The following SLC5A8 variants were observed in gnomAD, a reference collection of about 807,000 sequenced individuals.
SLC5A8 encodes sodium-coupled monocarboxylate transporter 1.
Under a neutral mutation model 71.9 loss-of-function variants are expected in SLC5A8, and 55 were observed. The observed-to-expected ratio is 0.77, with a 90% confidence interval of 0.62 to 0.96. The LOEUF is 0.96. Ranked by LOEUF, SLC5A8 falls within the 40% of genes least tolerant of loss-of-function variation. SLC5A8 has a pLI of 0.00. For synonymous variants in SLC5A8, 307 were observed against 276.1 expected, an observed-to-expected ratio of 1.11 and a Z score of -1.11; for missense variants, 701 against 745.3, an observed-to-expected ratio of 0.94 and a Z score of 0.69.
At chr12:101,178,351 T>A (rs2051900372) in intron 10 of SLC5A8, among the ~76,000 whole-genome samples, 1 of 152,082 alleles carries the variant, frequency 6.6e-6, no homozygotes, top group African/African-American at 2.4e-5. Context: ...TAAAACAATT[T>A]CGAAAAATAA....
At chr12:101,177,475 A>G (rs1334740174) in intron 10 of SLC5A8, among the ~76,000 whole-genome samples, 1 of 151,248 alleles carries the variant, frequency 6.6e-6, no homozygotes, top group African/African-American at 2.4e-5. Context: ...ACACACACAC[A>G]CACGCATGCA....
chr12:101,167,610 A>C (rs1463738962), intron 11 of SLC5A8, among the ~76,000 whole-genome samples: 1 of 152,192 alleles, frequency 6.6e-6, no homozygotes, highest in Non-Finnish European at 1.5e-5. Context: ...CCCAATTATG[A>C]TCACCCCTTT....
intron 12 of SLC5A8, among the ~76,000 whole-genome samples, chr12:101,165,454 G>T (rs574437064): frequency 6.6e-6 from 1 of 151,974 alleles, no homozygotes; most frequent in African/African-American, 2.4e-5. Context: ...CCTCCCATTA[G>T]TGCTTTCATG....
chr12:101,177,442 T>TAC (rs1491440045), intron 10 of SLC5A8, among the ~76,000 whole-genome samples: 8,055 of 133,358 alleles, frequency 0.06, 372 homozygotes, highest in African/African-American at 0.16. Flanking sequence ...AAAGGCAGTA[T>TAC]ATACACACAC....
intron 8 of SLC5A8, 93 bp downstream of exon 8, chr12:101,184,041 G>T: frequency 7.8e-7 from 1 of 1,285,326 alleles, no homozygotes; most frequent in Non-Finnish European, 1.1e-6. Flanking sequence ...CTGTGTCTGT[G>T]CCCAGAACTC....
intron 9 of SLC5A8, among the ~76,000 whole-genome samples, chr12:101,181,080 GA>G (rs928716583): frequency 1.3e-5 from 2 of 151,586 alleles, no homozygotes; most frequent in South Asian, 2.1e-4. Flanking sequence ...TCAATATACA[GA>G]AAAAAAATGA....
At chr12:101,158,596 C>CTATATATATA (rs1416083451) in intron 13 of SLC5A8, among the ~76,000 whole-genome samples, 16 of 17,698 alleles carry the variant, frequency 9.0e-4, no homozygotes, top group Middle Eastern at 0.067. Flanking sequence ...CTCTCTCTCT[C>CTATATATATA]TCTATATATA....
chr12:101,158,592 CTCTCTCTATA>C (rs1415578434), intron 13 of SLC5A8, among the ~76,000 whole-genome samples: 291 of 25,702 alleles, frequency 0.011, no homozygotes, highest in South Asian at 0.014. Flanking sequence ...CTCTCTCTCT[CTCTCTCTATA>C]TATATATATA....
At chr12:101,158,893 G>GA in intron 13 of SLC5A8, among the ~76,000 whole-genome samples, 1 of 144,100 alleles carries the variant, frequency 6.9e-6, no homozygotes, top group Non-Finnish European at 1.5e-5. Context: ...TTACTTAAGT[G>GA]AAAATTAGTA....
intron 3 of SLC5A8, chr12:101,199,240 T>A (rs1322293188): frequency 6.6e-6 from 1 of 152,014 alleles, no homozygotes; most frequent in Non-Finnish European, 1.5e-5. Flanking sequence ...AAGAGACTTT[T>A]TATTTTATTA....
intron 10 of SLC5A8, among the ~76,000 whole-genome samples, chr12:101,175,097 G>A (rs773480879): frequency 6.6e-6 from 1 of 151,718 alleles, no homozygotes; most frequent in African/African-American, 2.4e-5. Context: ...AAAAATCTCA[G>A]GGAAAAAAAG....
In SLC5A8 at chr12:101,210,102, C is replaced by T. The variant is rs1593389754; in HGVS notation, c.-254G>A. 10 of 459,376 alleles carry T rather than the reference C, an allele frequency of 2.2e-5. No homozygotes were observed. In the East Asian group the frequency reaches 2.8e-4, roughly 13 times the overall value. The allele number at this position is 459,376 out of a possible 1,614,324, so 28.5% of individuals were successfully genotyped here. A position where few individuals can be genotyped will look rare whatever the true frequency, so the allele number is the denominator to read the frequency against. ...GGGACCTCGGAAAATCGACCCGCTG[C>T]CCTGAGTGCTCACCACGTGAGGAAC... On this transcript the variant is annotated 5_prime_UTR_variant, in exon 1 of 15. Transcript: ENST00000536262.
intron 10 of SLC5A8, among the ~76,000 whole-genome samples, chr12:101,169,145 G>C (rs931104424): frequency 6.6e-6 from 1 of 152,158 alleles, no homozygotes; most frequent in Non-Finnish European, 1.5e-5. Flanking sequence ...AAGGGAGATA[G>C]ACTTCACTGC....
chr12:101,199,661 G>T (rs1448061921), intron 3 of SLC5A8, among the ~76,000 whole-genome samples: 2 of 151,790 alleles, frequency 1.3e-5, no homozygotes, highest in African/African-American at 4.8e-5. Context: ...TCAAATGCTG[G>T]CAAGGATGTG....
chr12:101,192,950 T>A (rs1322543386), intron 5 of SLC5A8, among the ~76,000 whole-genome samples: 1 of 150,850 alleles, frequency 6.6e-6, no homozygotes, highest in African/African-American at 2.4e-5. Flanking sequence ...AGTGTTTGTC[T>A]CTTAAGAGGC....
At chr12:101,184,006 C>T in intron 8 of SLC5A8, 128 bp downstream of exon 8, 1 of 802,596 alleles carries the variant, frequency 1.2e-6, no homozygotes, top group Admixed American at 2.5e-5. Context: ...AGGACACATA[C>T]AGCAGATTGC....
intron 11 of SLC5A8, 137 bp downstream of exon 11, chr12:101,167,957 CAA>C: frequency 1.2e-6 from 1 of 829,998 alleles, no homozygotes; most frequent in African/African-American, 1.7e-5. Context: ...TACACTCCAC[CAA>C]AGTCAACAGA....
At chr12:101,158,375 G>A (rs781438519) in intron 13 of SLC5A8, 47 bp from the exon 14 acceptor site, 1 of 1,202,638 alleles carries the variant, frequency 8.3e-7, no homozygotes, top group Non-Finnish European at 1.2e-6. Context: ...AAGGACACCA[G>A]TAACTACACA....
At chr12:101,161,883 T>A in intron 13 of SLC5A8, 91 bp downstream of exon 13, 3 of 927,616 alleles carry the variant, frequency 3.2e-6, no homozygotes, top group Non-Finnish European at 5.1e-6. Context: ...GGCAATAGGA[T>A]CATAGTAAAA....
Sources: allele counts gnomAD v4.1 joint callset (sites outside exome capture counted in the v4.1 genomes callset), GRCh38; gene constraint gnomAD v4.1.1; transcripts MANE v1.5; gene names NCBI Gene and HGNC (gene_info 2026-07-23, HGNC 2026-07-21).